PKNOX2: variants seen among roughly 807,000 people sequenced by gnomAD.
PKNOX2 encodes PBX/knotted 1 homeobox 2.
In PKNOX2, 14 loss-of-function variants were observed where a neutral mutation model predicts 53.1. The observed-to-expected ratio is 0.26, with a 90% CI of 0.17 to 0.41. The LOEUF (loss-of-function observed/expected upper bound fraction) is 0.41. Ranked by LOEUF, PKNOX2 falls within the 10% of genes least tolerant of loss-of-function variation. The pLI is 1.00. For synonymous variants in PKNOX2, 257 were observed against 242.8 expected (o/e 1.06, Z -0.54); for missense variants, 496 against 602.8 (o/e 0.82, Z 1.85).
chr11:125,309,942 T>G (rs931489943), intron 2 of PKNOX2, among the ~76,000 whole-genome samples: 1 of 152,206 alleles, frequency 6.6e-6, no homozygotes, highest in Non-Finnish European at 1.5e-5. Context: ...TGACCAACAT[T>G]GATTGGAGAC....
At chr11:125,310,444 G>T (rs1268676019) in intron 2 of PKNOX2, among the ~76,000 whole-genome samples, 1 of 151,410 alleles carries the variant, frequency 6.6e-6, no homozygotes, top group East Asian at 1.9e-4. Flanking sequence ...GCAGTGAGCC[G>T]AGATCCTACC....
At chr11:125,206,168 G>A (rs1267911399) in intron 1 of PKNOX2, among the ~76,000 whole-genome samples, 3 of 151,994 alleles carry the variant, frequency 2.0e-5, no homozygotes, top group African/African-American at 4.8e-5. Context: ...CACCCTCGAG[G>A]AGCCTACTGT....
At chr11:125,283,193 ATAAAT>A (rs1946682367) in intron 2 of PKNOX2, among the ~76,000 whole-genome samples, 2 of 144,938 alleles carry the variant, frequency 1.4e-5, no homozygotes, top group Non-Finnish European at 3.0e-5. Context: ...ATAAAATAAA[ATAAAT>A]TCCATATAGC....
chr11:125,408,404 T>G (rs530253321), intron 7 of PKNOX2, among the ~76,000 whole-genome samples: 3 of 152,270 alleles, frequency 2.0e-5, no homozygotes, highest in African/African-American at 7.2e-5. Context: ...CCCCCTCTGT[T>G]CCCCAAGGTC....
chr11:125,405,941 T>C (rs1955065186), intron 7 of PKNOX2, among the ~76,000 whole-genome samples: 1 of 152,190 alleles, frequency 6.6e-6, no homozygotes, highest in Admixed American at 6.5e-5. Flanking sequence ...TTGGGCTGGA[T>C]AACCAGCTGT....
intron 2 of PKNOX2, among the ~76,000 whole-genome samples, chr11:125,263,015 GTGTGCTGAAT>G (rs2135743479): frequency 6.6e-6 from 1 of 152,316 alleles, no homozygotes; most frequent in Non-Finnish European, 1.5e-5. Context: ...TCTCTGTAGT[GTGTGCTGAAT>G]TGCTGCAGGG....
rs7127043 is a variant in PKNOX2, at chr11:125,186,297, T to C, written c.-201+21521T>C. Among the ~76,000 whole-genome samples, 1,037 of 152,348 alleles carry C rather than the reference T, an allele frequency of 6.8e-3. 12 individuals carry two copies. The highest frequency in any genetic ancestry group is 0.023 in the African/African-American group (977 of 41,576). ...GTTATATATTCTGGATATTAAACCC[T>C]TATCAGGGAAAATATGCAAGTATTT... On this transcript the variant is annotated intron_variant, in intron 1 of 12. Transcript: ENST00000298282.
intron 2 of PKNOX2, among the ~76,000 whole-genome samples, chr11:125,324,702 G>C (rs898947059): frequency 6.6e-6 from 1 of 152,168 alleles, no homozygotes; most frequent in African/African-American, 2.4e-5. Context: ...TGTGGCTGTG[G>C]AGATGGAAAG....
In PKNOX2 at chr11:125,370,637, C is replaced by T. The variant is rs1033331700; in HGVS notation, c.227+2652C>T. 2.0e-5 allele frequency among the ~76,000 whole-genome samples: 3 copies of T among 152,214 alleles called. No homozygotes were observed. The highest frequency in any genetic ancestry group is 7.2e-5 in the African/African-American group (3 of 41,450). ...ATGCTGGCTTCCCATCTCTCTAGTC[C>T]TGCTGCTGCCTCCTGGCCCGGCAGC... On this transcript the variant is annotated intron_variant, in intron 5 of 12. Coordinates refer to ENST00000298282, the MANE Select transcript of PKNOX2 (RefSeq NM_001382323.2). The surrounding 1 kb of genome is among the most constrained non-coding windows in gnomAD (Gnocchi z 4.1).
At position 125,298,131 on chromosome 11, in the gene PKNOX2, G is replaced by A. The variant is rs1025785816; in HGVS notation, c.-129-33688G>A. 5.3e-5 allele frequency among the ~76,000 whole-genome samples: 8 copies of A among 152,332 alleles called. No individual in the cohort carries two copies. In the South Asian group the frequency reaches 8.3e-4, roughly 16 times the overall value. ...TTGAGTAGGCCAGGCTGAATAAGCT[G>A]GAGTGAGAGCTCTGGGTCCCTCAGA... On this transcript the variant is annotated intron_variant, in intron 2 of 12. Transcript: ENST00000298282.
intron 7 of PKNOX2, among the ~76,000 whole-genome samples, chr11:125,400,406 G>A (rs1440132704): frequency 6.6e-6 from 1 of 152,146 alleles, no homozygotes; most frequent in Admixed American, 6.5e-5. Context: ...AGCTTCTGCT[G>A]CTGGATTCAT....
At chr11:125,206,381 C>T (rs1187728577) in intron 1 of PKNOX2, among the ~76,000 whole-genome samples, 2 of 152,020 alleles carry the variant, frequency 1.3e-5, no homozygotes, top group East Asian at 3.9e-4. Flanking sequence ...GATTACTCTG[C>T]ACAAATGCGT....
chr11:125,353,335 C>T (rs964723670), intron 4 of PKNOX2, among the ~76,000 whole-genome samples: 5 of 152,328 alleles, frequency 3.3e-5, no homozygotes, highest in African/African-American at 1.2e-4. Context: ...CCTGTTTTGA[C>T]TGCCTGGGGA....
rs548123981 is a variant in PKNOX2 at position 125,202,084 on chromosome 11, G to A, written c.-200-32961G>A. 1.1e-4 allele frequency among the ~76,000 whole-genome samples: 17 copies of A among 152,222 alleles called. 1 individual carries two copies. Among genetic ancestry groups the A allele is most frequent in the Admixed American group, 6.5e-5 (1 of 15,286 alleles). On this transcript the variant is annotated intron_variant, in intron 1 of 12. Coordinates refer to ENST00000298282, the MANE Select transcript of PKNOX2 (RefSeq NM_001382323.2). Reference sequence around the variant, plus strand: ...GTGCGGCTGGGACTCCCAACAAGACGGCCTTTGTATTCATTTAATTAATCA... The same window carrying A: ...GTGCGGCTGGGACTCCCAACAAGACAGCCTTTGTATTCATTTAATTAATCA...
chr11:125,369,977 T>C (rs941907044), intron 5 of PKNOX2, among the ~76,000 whole-genome samples: 1 of 152,168 alleles, frequency 6.6e-6, no homozygotes, highest in Non-Finnish European at 1.5e-5. Context: ...GCCTAAGGAC[T>C]CAATCTGCAT....
At chr11:125,229,222 G>C (rs1489954457) in intron 1 of PKNOX2, among the ~76,000 whole-genome samples, 1 of 152,076 alleles carries the variant, frequency 6.6e-6, no homozygotes, top group African/African-American at 2.4e-5. Context: ...ATACTGCTCA[G>C]CAGGCAGCAT....
intron 2 of PKNOX2, among the ~76,000 whole-genome samples, chr11:125,310,959 T>C (rs1565493973): frequency 6.6e-6 from 1 of 152,154 alleles, no homozygotes; most frequent in Non-Finnish European, 1.5e-5. Flanking sequence ...TCCCTAATTT[T>C]TTTTTCTTTC....
Position 125,432,163 on chromosome 11 carries a change from G to C in PKNOX2, c.*771G>C, listed in dbSNP as rs575785993. On this transcript the variant is annotated 3_prime_UTR_variant, in exon 13 of 13. Transcript: ENST00000298282. ...AAGAGCCAAGGAGATGGCAGACCCT[G>C]GGCTAGGAACCATATGGAGGTGACT... The C allele has an allele frequency of 3.9e-4, 59 of 152,396 alleles. No individual in the cohort carries two copies. Among genetic ancestry groups the C allele is most frequent in the African/African-American group, 1.3e-3 (52 of 41,560 alleles). 9.4% of individuals were successfully genotyped at this position (152,396 alleles called of 1,614,324 possible). A position where few individuals can be genotyped will look rare whatever the true frequency, so the allele number is the denominator to read the frequency against.
intron 2 of PKNOX2, among the ~76,000 whole-genome samples, chr11:125,248,787 A>G (rs1943755249): frequency 6.8e-6 from 1 of 147,634 alleles, no homozygotes; most frequent in Non-Finnish European, 1.5e-5. Flanking sequence ...GTCCTATATG[A>G]TGGGTCTCAC....
Sources: allele counts gnomAD v4.1 joint callset (sites outside exome capture counted in the v4.1 genomes callset), GRCh38; gene constraint gnomAD v4.1.1; non-coding constraint Gnocchi (gnomAD v3.1); transcripts MANE v1.5; gene names NCBI Gene and HGNC (gene_info 2026-07-23, HGNC 2026-07-21).